Variants in DNAAF6 observed in about 807,000 individuals in gnomAD.
DNAAF6 encodes the protein dynein axonemal assembly factor 6.
In DNAAF6, 3 loss-of-function variants were observed where a neutral mutation model predicts 13.7. That is an observed-to-expected ratio of 0.22 (90% CI 0.10 to 0.56). DNAAF6 has a LOEUF of 0.56. Among genes scored for constraint, DNAAF6 ranks in the 20% least tolerant of loss-of-function variants. The pLI, the probability that DNAAF6 is intolerant of heterozygous loss-of-function variation, is 0.92. For synonymous variants in DNAAF6, 54 were observed against 49.2 expected, an observed-to-expected ratio of 1.10 and a Z score of -0.41; for missense variants, 130 against 151.0, an observed-to-expected ratio of 0.86 and a Z score of 0.73.
intron 4 of DNAAF6, among the ~76,000 whole-genome samples, chrX:107,220,270 A>G (rs903524919): frequency 8.9e-6 from 1 of 112,312 alleles, no homozygotes; most frequent in African/African-American, 3.2e-5. Context: ...ATCAAAGGAG[A>G]TTTTAAAACA....
chrX:107,231,758 T>C (rs760339580), intron 5 of DNAAF6, among the ~76,000 whole-genome samples: 23 of 111,810 alleles, frequency 2.1e-4, no homozygotes, highest in Non-Finnish European at 3.6e-4. Context: ...ATTATAAAAA[T>C]ATTTACCTCT....
intron 6 of DNAAF6, among the ~76,000 whole-genome samples, chrX:107,240,709 G>A (rs1240150950): frequency 8.9e-6 from 1 of 111,844 alleles, no homozygotes; most frequent in Non-Finnish European, 1.9e-5. Context: ...GTTTTGGCAT[G>A]TAGATACCCA....
chrX:107,234,358 A>G (rs1271190318), intron 5 of DNAAF6, among the ~76,000 whole-genome samples: 2 of 112,224 alleles, frequency 1.8e-5, no homozygotes, highest in Non-Finnish European at 3.8e-5. Context: ...AAATTTTCCT[A>G]TAGATTATCA....
At chrX:107,240,380 C>T (rs1928601332) in intron 6 of DNAAF6, among the ~76,000 whole-genome samples, 2 of 111,497 alleles carry the variant, frequency 1.8e-5, no homozygotes, top group Non-Finnish European at 3.8e-5. Flanking sequence ...ACTTGAGAAT[C>T]CTTTAGAGCC....
At chrX:107,222,887 C>A (rs756896064) in intron 5 of DNAAF6, 46 bp downstream of exon 5, 18 of 1,162,192 alleles carry the variant, frequency 1.5e-5, no homozygotes, top group Non-Finnish European at 1.8e-5. Flanking sequence ...ACCATTGTAG[C>A]TAAATTGACT....
At chrX:107,216,964 TC>T (rs755718233) in intron 3 of DNAAF6, among the ~76,000 whole-genome samples, 1 of 111,496 alleles carries the variant, frequency 9.0e-6, no homozygotes, top group South Asian at 3.8e-4. Flanking sequence ...CTTGAGTTAG[TC>T]ATCCACTGTG....
At chrX:107,207,525 GGGAGGA>G (rs974341924) in intron 1 of DNAAF6, 3 of 111,809 alleles carry the variant, frequency 2.7e-5, no homozygotes, top group Admixed American at 9.5e-5. Flanking sequence ...TGACCAAAGA[GGGAGGA>G]GTCATTACTC....
rs747597515 is a variant in DNAAF6 at position 107,209,503 on chromosome X, G to A, written c.-4+2813G>A. ...GGCTGGAGTGCAGTGGCATGATCTCGGCTCACTGCAACGGCCACCTCCCAG... is the reference window on the plus strand; with the variant it reads ...GGCTGGAGTGCAGTGGCATGATCTCAGCTCACTGCAACGGCCACCTCCCAG... On this transcript the variant is annotated intron_variant, in intron 1 of 6. Transcript: ENST00000372453. 5.7e-4 allele frequency among the ~76,000 whole-genome samples: 63 copies of A among 111,463 alleles called. 1 individual carries two copies. The South Asian group carries it at 9.6e-3, about 17-fold the overall frequency.
At chrX:107,213,111 T>TAG in intron 2 of DNAAF6, 83 bp downstream of exon 2, 7 of 956,216 alleles carry the variant, frequency 7.3e-6, no homozygotes, top group Non-Finnish European at 9.8e-6. Context: ...CCCACCTAGC[T>TAG]GTGGGAACAG....
chrX:107,218,755 C>A, intron 3 of DNAAF6, 109 bp from the exon 4 acceptor site: 1 of 740,968 alleles, frequency 1.3e-6, no homozygotes, highest in Non-Finnish European at 1.9e-6. Context: ...CTAGCGATTA[C>A]AAATAATGTT....
intron 4 of DNAAF6, 62 bp downstream of exon 4, chrX:107,219,031 A>G: frequency 9.3e-7 from 1 of 1,076,430 alleles, no homozygotes; most frequent in Admixed American, 4.4e-5. Flanking sequence ...ATCTGATAAC[A>G]TTTTACTTTT....
chrX:107,214,500 T>C (rs973814034), intron 2 of DNAAF6, among the ~76,000 whole-genome samples: 5 of 111,396 alleles, frequency 4.5e-5, no homozygotes, highest in African/African-American at 1.6e-4. Flanking sequence ...TTTATTTGCA[T>C]CTAGAGGTGT....
At chrX:107,221,535 T>G (rs1273149808) in intron 4 of DNAAF6, among the ~76,000 whole-genome samples, 1 of 111,689 alleles carries the variant, frequency 9.0e-6, no homozygotes, top group Non-Finnish European at 1.9e-5. Context: ...GACTAGCTGG[T>G]TTTTGATATG....
intron 1 of DNAAF6, among the ~76,000 whole-genome samples, chrX:107,209,276 AAAAT>A (rs1927795466): frequency 8.9e-6 from 1 of 112,325 alleles, no homozygotes; most frequent in South Asian, 3.7e-4. Flanking sequence ...TGATTTAAAA[AAAAT>A]AAATAAATAA....
intron 2 of DNAAF6, among the ~76,000 whole-genome samples, chrX:107,213,718 C>A (rs1273190860): frequency 9.0e-6 from 1 of 111,499 alleles, no homozygotes; most frequent in Non-Finnish European, 1.9e-5. Flanking sequence ...TTATATAACT[C>A]CCTGCTCTCC....
intron 4 of DNAAF6, 42 bp downstream of exon 4, chrX:107,219,011 T>G (rs767774271): frequency 3.6e-6 from 4 of 1,119,673 alleles, no homozygotes; most frequent in South Asian, 4.8e-5. Flanking sequence ...GAGTTTAAGT[T>G]AGCTGTGTCA....
intron 1 of DNAAF6, among the ~76,000 whole-genome samples, chrX:107,211,845 T>C (rs942524793): frequency 7.2e-5 from 8 of 111,173 alleles, no homozygotes; most frequent in Non-Finnish European, 1.3e-4. Flanking sequence ...AATGATACCA[T>C]AATGATACCA....
chrX:107,222,966 C>T (rs778690495), intron 5 of DNAAF6, 125 bp downstream of exon 5: 265 of 876,226 alleles, frequency 3.0e-4, no homozygotes, highest in Non-Finnish European at 3.9e-4. Flanking sequence ...CTATGTTTCA[C>T]GTACTAGGGT....
At chrX:107,236,958 C>T (rs372754351) in intron 5 of DNAAF6, among the ~76,000 whole-genome samples, 2 of 111,400 alleles carry the variant, frequency 1.8e-5, no homozygotes, top group Non-Finnish European at 1.9e-5. Context: ...GTAACTACCC[C>T]CTGAGAACTG....
Sources: gnomAD v4.1 joint callset for allele counts (sites outside exome capture counted in the v4.1 genomes callset) on GRCh38, gnomAD v4.1.1 for gene constraint, MANE v1.5 for transcripts, NCBI Gene and HGNC (gene_info 2026-07-23, HGNC 2026-07-21) for gene names.